Variants in CADM2 observed in about 807,000 individuals in gnomAD.
CADM2 encodes the protein cell adhesion molecule 2.
CADM2 carries 12 observed loss-of-function variants against 49.8 expected under a neutral mutation model. The ratio of observed to expected loss-of-function variants is 0.24; its 90% CI spans 0.15 to 0.39. The LOEUF (loss-of-function observed/expected upper bound fraction) is 0.39, where lower values mean the gene tolerates loss of function less well. Ranked by LOEUF, CADM2 falls within the 10% of genes least tolerant of loss-of-function variation. The pLI is 1.00. For missense variants in CADM2, 378 were observed against 492.3 expected, an observed-to-expected ratio of 0.77 and a Z score of 2.20; for synonymous variants, 214 against 175.4, an observed-to-expected ratio of 1.22 and a Z score of -1.74.
intron 1 of CADM2, among the ~76,000 whole-genome samples, chr3:85,347,338 G>A (rs1438833769): frequency 2.0e-5 from 3 of 148,658 alleles, no homozygotes; most frequent in Non-Finnish European, 4.4e-5. Context: ...GAAATGAAGT[G>A]AAGCAAAATC....
intron 8 of CADM2, among the ~76,000 whole-genome samples, chr3:86,007,994 G>C (rs774614260): frequency 6.6e-6 from 1 of 152,138 alleles, no homozygotes; most frequent in Admixed American, 6.5e-5. Context: ...CTTAGAATTT[G>C]AAAGCAAATT....
chr3:85,746,536 C>T (rs1009287405), intron 2 of CADM2, among the ~76,000 whole-genome samples: 1 of 152,036 alleles, frequency 6.6e-6, no homozygotes, highest in African/African-American at 2.4e-5. Flanking sequence ...GCCTGCCCTC[C>T]TCCTTTTCTT....
At chr3:85,109,218 T>A (rs1246754435) in intron 1 of CADM2, among the ~76,000 whole-genome samples, 1 of 152,018 alleles carries the variant, frequency 6.6e-6, no homozygotes, top group Non-Finnish European at 1.5e-5. Flanking sequence ...ATAGCTATCC[T>A]CAAACTACAA....
intron 1 of CADM2, among the ~76,000 whole-genome samples, chr3:85,122,836 TC>T (rs2038911878): frequency 6.6e-6 from 1 of 152,106 alleles, no homozygotes; most frequent in Non-Finnish European, 1.5e-5. Context: ...GTATGGCTCT[TC>T]TTCCATTGTA....
At chr3:85,887,912 C>T (rs1055339992) in intron 5 of CADM2, among the ~76,000 whole-genome samples, 2 of 152,138 alleles carry the variant, frequency 1.3e-5, no homozygotes, top group Non-Finnish European at 2.9e-5. Flanking sequence ...TAATGGAAAG[C>T]CCTAAACTTT....
At chr3:85,137,737 T>G (rs1046601362) in intron 1 of CADM2, among the ~76,000 whole-genome samples, 36 of 152,106 alleles carry the variant, frequency 2.4e-4, no homozygotes, top group African/African-American at 8.4e-4. Flanking sequence ...ACTGTTTGAT[T>G]TTGAGGCAGT....
chr3:85,677,751 G>A (rs1329764134), intron 1 of CADM2, among the ~76,000 whole-genome samples: 1 of 152,098 alleles, frequency 6.6e-6, no homozygotes, highest in Non-Finnish European at 1.5e-5. Context: ...GCATAACTTG[G>A]AAGACATGTT....
chr3:85,814,512 A>G (rs918655255), intron 3 of CADM2, among the ~76,000 whole-genome samples: 3 of 152,138 alleles, frequency 2.0e-5, no homozygotes, highest in African/African-American at 4.8e-5. Flanking sequence ...ACAAAAAAGA[A>G]CTAAGATCAG....
intron 1 of CADM2, among the ~76,000 whole-genome samples, chr3:85,010,611 CA>C (rs2033940224): frequency 6.6e-6 from 1 of 151,890 alleles, no homozygotes; most frequent in Non-Finnish European, 1.5e-5. Context: ...AAAACAAAAA[CA>C]AAAAACAAAT....
At chr3:85,325,428 T>A (rs2044725211) in intron 1 of CADM2, among the ~76,000 whole-genome samples, 1 of 152,138 alleles carries the variant, frequency 6.6e-6, no homozygotes, top group South Asian at 2.1e-4. Flanking sequence ...AAGTATGAAG[T>A]CAGCTGGGTG....
rs559254511 is a variant in CADM2, at chr3:86,003,135, T to C, written c.970+41488T>C. On this transcript the variant is annotated intron_variant, in intron 8 of 9. Transcript: ENST00000383699. The stretch of plus-strand genomic sequence containing the variant: ...GGTTGACTGCTCAGTTTAATAAAGA[T>C]GATGCTTTACTCTAGAGAAAATGGC... Among the ~76,000 whole-genome samples, 78 of 152,246 alleles carry C rather than the reference T, an allele frequency of 5.1e-4. 1 individual carries two copies. The South Asian group carries it at 0.016, about 30-fold the overall frequency.
chr3:85,517,188 T>A (rs963920341), intron 1 of CADM2, among the ~76,000 whole-genome samples: 15 of 150,984 alleles, frequency 9.9e-5, no homozygotes, highest in South Asian at 6.3e-4. Flanking sequence ...TTAGATCTTT[T>A]AAAAAAAAAC....
At chr3:85,561,674 C>G (rs561623266) in intron 1 of CADM2, among the ~76,000 whole-genome samples, 2 of 152,232 alleles carry the variant, frequency 1.3e-5, no homozygotes, top group South Asian at 4.1e-4. Context: ...AGCTATTGCT[C>G]TAGGCATTGA....
intron 1 of CADM2, among the ~76,000 whole-genome samples, chr3:85,394,613 G>A (rs898278724): frequency 1.3e-5 from 2 of 152,096 alleles, no homozygotes; most frequent in African/African-American, 4.8e-5. Flanking sequence ...TCTGTGTAAA[G>A]TTAACTGGAC....
rs182806830 is a variant in CADM2 at position 85,427,427 on chromosome 3, G to A, written c.62-299095G>A. 1.1e-4 allele frequency among the ~76,000 whole-genome samples: 16 copies of A among 151,894 alleles called. 2 individuals carry two copies. In the South Asian group the frequency reaches 2.7e-3, roughly 26 times the overall value. On this transcript the variant is annotated intron_variant, in intron 1 of 9. Transcript: ENST00000383699. Reference sequence around the variant, plus strand: ...ATTCTAGATTTTTGAGAGGTTAAGCGTCTAGGTTTTAGCTTCTTTTCAGAG... The same window carrying A: ...ATTCTAGATTTTTGAGAGGTTAAGCATCTAGGTTTTAGCTTCTTTTCAGAG...
chr3:85,911,545 G>A (rs933283682), intron 5 of CADM2, among the ~76,000 whole-genome samples: 1 of 152,184 alleles, frequency 6.6e-6, no homozygotes, highest in Non-Finnish European at 1.5e-5. Context: ...TCAGATGGCT[G>A]TGCTCCTTTT....
At chr3:85,727,336 T>A (rs1577175191) in intron 2 of CADM2, among the ~76,000 whole-genome samples, 2 of 152,278 alleles carry the variant, frequency 1.3e-5, no homozygotes, top group African/African-American at 4.8e-5. Flanking sequence ...TACGCTCATC[T>A]TTGAAGTGTT....
Position 85,014,113 on chromosome 3 carries a change from G to A in CADM2, c.61+54445G>A, listed in dbSNP as rs185598921. The stretch of plus-strand genomic sequence containing the variant: ...GTGTAAAATTGTATATTATATATAC[G>A]CAGTGTAATATTGTATATTATATAT... On this transcript the variant is annotated intron_variant, in intron 1 of 9. Transcript: ENST00000383699. 4.9e-3 allele frequency among the ~76,000 whole-genome samples: 710 copies of A among 143,888 alleles called. 6 individuals carry two copies. Among genetic ancestry groups the A allele is most frequent in the South Asian group, 0.016 (72 of 4,640 alleles). The allele number at this position is 143,888 out of a possible 152,430, so 94.4% of individuals were successfully genotyped here. A position where few individuals can be genotyped will look rare whatever the true frequency, so the allele number is the denominator to read the frequency against.
intron 1 of CADM2, among the ~76,000 whole-genome samples, chr3:85,070,728 C>G (rs11127874): frequency 0.075 from 11,424 of 152,114 alleles, 489 homozygotes; most frequent in East Asian, 0.15. Flanking sequence ...GGCAGTGGAT[C>G]ACGCCTGTAA....
Sources: gnomAD v4.1 joint callset for allele counts (sites outside exome capture counted in the v4.1 genomes callset) on GRCh38, gnomAD v4.1.1 for gene constraint, MANE v1.5 for transcripts, NCBI Gene and HGNC (gene_info 2026-07-23, HGNC 2026-07-21) for gene names.